The following TENM2 variants were observed in gnomAD, a reference collection of about 807,000 sequenced individuals.
TENM2 encodes teneurin-2.
In TENM2, 52 loss-of-function variants were observed where a neutral mutation model predicts 245.2. The observed-to-expected ratio is 0.21, with a 90% CI of 0.17 to 0.27. The LOEUF is 0.27. Among genes scored for constraint, TENM2 ranks in the 10% least tolerant of loss-of-function variants. TENM2 has a pLI of 1.00. For missense variants in TENM2, 3,046 were observed against 3,666.8 expected, an observed-to-expected ratio of 0.83 and a Z score of 4.37; for synonymous variants, 1,363 against 1,438.9, an observed-to-expected ratio of 0.95 and a Z score of 1.19.
intron 7 of TENM2, among the ~76,000 whole-genome samples, chr5:168,087,619 A>AT (rs1486967808): frequency 2.8e-4 from 42 of 151,922 alleles, no homozygotes; most frequent in African/African-American, 1.0e-3. Flanking sequence ...AAAAAAAAAA[A>AT]AAAGAAAGAA....
At chr5:168,016,214 C>T (rs1785638780) in intron 5 of TENM2, among the ~76,000 whole-genome samples, 1 of 152,206 alleles carries the variant, frequency 6.6e-6, no homozygotes, top group Non-Finnish European at 1.5e-5. Flanking sequence ...GACACTGAGG[C>T]TTACGGATGT....
intron 2 of TENM2, among the ~76,000 whole-genome samples, chr5:167,589,843 ACTTT>A (rs766082740): frequency 6.6e-6 from 1 of 151,656 alleles, no homozygotes; most frequent in Non-Finnish European, 1.5e-5. Flanking sequence ...CTTAAAAATA[ACTTT>A]CTTTAACATT....
chr5:167,346,873 A>G (rs1379087586), intron 1 of TENM2, among the ~76,000 whole-genome samples: 1 of 151,984 alleles, frequency 6.6e-6, no homozygotes, highest in African/African-American at 2.4e-5. Context: ...TCCTGGGCTC[A>G]AGCAATCCTT....
chr5:167,782,102 T>G (rs1389402452), intron 2 of TENM2, among the ~76,000 whole-genome samples: 2 of 151,618 alleles, frequency 1.3e-5, no homozygotes, highest in African/African-American at 4.8e-5. Flanking sequence ...TCACCTGAGG[T>G]TGGGAGTTCG....
At chr5:167,335,678 T>A (rs952653145) in intron 1 of TENM2, among the ~76,000 whole-genome samples, 1 of 152,140 alleles carries the variant, frequency 6.6e-6, no homozygotes, top group African/African-American at 2.4e-5. Flanking sequence ...TGAAAGGTGA[T>A]ACAAATCCTT....
At chr5:167,196,566 G>GTA in the TENM2 span, among the ~76,000 whole-genome samples, 3,240 of 143,440 alleles carry the variant, frequency 0.023, 69 homozygotes, top group African/African-American at 0.063. Context: ...ATATGTGTGT[G>GTA]TATATATATA....
the TENM2 span, among the ~76,000 whole-genome samples, chr5:167,028,069 C>CAAAA: frequency 5.4e-5 from 5 of 92,688 alleles, no homozygotes; most frequent in Admixed American, 1.3e-4. Context: ...GATTCCATCT[C>CAAAA]AAAAAAAAAA....
At chr5:167,751,966 A>G (rs1046841417) in intron 2 of TENM2, among the ~76,000 whole-genome samples, 1 of 151,892 alleles carries the variant, frequency 6.6e-6, no homozygotes, top group Admixed American at 6.6e-5. Flanking sequence ...ACACACACAC[A>G]CACACACACA....
At position 167,814,628 on chromosome 5, in the gene TENM2, TA is replaced by T. The variant is rs200337604; in HGVS notation, c.503-61348del. Among the ~76,000 whole-genome samples, 954 of 148,088 alleles carry T rather than the reference TA, an allele frequency of 6.4e-3. 10 individuals are homozygous for T. The highest frequency in any genetic ancestry group is 0.02 in the African/African-American group (810 of 40,542). ...AGGCACATGGTTGAAGTATTTTATT[TA>T]AAAAAAAAAGTTTTAATATTTATTT... is the stretch of plus-strand genomic sequence containing the variant. On this transcript the variant is annotated intron_variant, in intron 2 of 28. Transcript: ENST00000518659.
chr5:167,084,178 T>C, the TENM2 span, among the ~76,000 whole-genome samples: 1 of 151,122 alleles, frequency 6.6e-6, no homozygotes, highest in South Asian at 2.1e-4. Context: ...TTTCTCAAGT[T>C]CCCTGAACAG....
chr5:167,148,137 A>T, the TENM2 span, among the ~76,000 whole-genome samples: 1 of 152,202 alleles, frequency 6.6e-6, no homozygotes, highest in Non-Finnish European at 1.5e-5. Context: ...GGGCACTGAG[A>T]TAATTTGGCT....
chr5:167,806,324 A>AT (rs1489461131), intron 2 of TENM2, among the ~76,000 whole-genome samples: 1 of 152,130 alleles, frequency 6.6e-6, no homozygotes, highest in African/African-American at 2.4e-5. Context: ...CATATAACTG[A>AT]TTTTTTGGAG....
the TENM2 span, among the ~76,000 whole-genome samples, chr5:167,015,755 C>T: frequency 2.3e-3 from 350 of 152,282 alleles, 1 homozygote; most frequent in Non-Finnish European, 4.1e-3. Context: ...TTATGTTCTA[C>T]AAGATCAAGA....
intron 15 of TENM2, among the ~76,000 whole-genome samples, chr5:168,196,418 A>T (rs1761432401): frequency 6.6e-6 from 1 of 152,030 alleles, no homozygotes; most frequent in Admixed American, 6.6e-5. Context: ...TTGCAAAATT[A>T]CTCTGGCCCT....
rs10617322 is a variant in TENM2, at chr5:167,989,268, A to AAGAGAGAG, written c.948-3650_948-3643dup. Among the ~76,000 whole-genome samples the AAGAGAGAG allele has an allele frequency of 5.3e-4, 77 of 145,004 alleles. 1 individual carries two copies. Among genetic ancestry groups the AAGAGAGAG allele is most frequent in the Non-Finnish European group, 8.6e-4 (57 of 66,040 alleles). ...TAGATAGATAGATAGAAGATAGAGA[A>AAGAGAGAG]AGAGAGAGAGAGAGAGAGAGAGAGA... On this transcript the variant is annotated intron_variant, in intron 4 of 28. Transcript: ENST00000518659.
At position 167,552,577 on chromosome 5, in the gene TENM2, A is replaced by G. The variant is rs375469721; in HGVS notation, c.502+177104A>G. ...TTATGTTAGCATTGTGCAGACACCT[A>G]TTGACATTGTAGCCTGGTAATGCTA... On this transcript the variant is annotated intron_variant, in intron 2 of 28. Transcript: ENST00000518659. Among the ~76,000 whole-genome samples, 27 of 152,176 alleles carry G rather than the reference A, an allele frequency of 1.8e-4. 1 individual carries two copies. In the East Asian group the frequency reaches 2.3e-3, roughly 13 times the overall value.
At chr5:167,647,026 T>C (rs549365415) in intron 2 of TENM2, among the ~76,000 whole-genome samples, 57 of 152,292 alleles carry the variant, frequency 3.7e-4, no homozygotes, top group African/African-American at 1.3e-3. Context: ...TTGTAGGTAA[T>C]TTGGAACTCT....
intron 2 of TENM2, among the ~76,000 whole-genome samples, chr5:167,736,276 A>G (rs770080070): frequency 1.3e-5 from 2 of 152,130 alleles, no homozygotes; most frequent in African/African-American, 2.4e-5. Flanking sequence ...CTGTGATTCA[A>G]TTATCTCCAC....
intron 2 of TENM2, among the ~76,000 whole-genome samples, chr5:167,758,918 G>A (rs537662692): frequency 6.6e-6 from 1 of 151,956 alleles, no homozygotes; most frequent in South Asian, 2.1e-4. Flanking sequence ...CTAGTTCTCT[G>A]TCTCCTTAAC....
Sources: allele counts gnomAD v4.1 joint callset (sites outside exome capture counted in the v4.1 genomes callset), GRCh38; gene constraint gnomAD v4.1.1; transcripts MANE v1.5; gene names NCBI Gene and HGNC (gene_info 2026-07-23, HGNC 2026-07-21).